Variants in FAM120C observed in about 807,000 individuals in gnomAD.
FAM120C encodes the protein constitutive coactivator of PPAR-gamma-like protein 2.
Under a neutral mutation model 71.2 loss-of-function variants are expected in FAM120C, and 14 were observed. The observed-to-expected ratio is 0.20, with a 90% CI of 0.13 to 0.31. FAM120C has a LOEUF of 0.31. Among genes scored for constraint, FAM120C ranks in the 10% least tolerant of loss-of-function variants. The pLI, the probability that FAM120C is intolerant of heterozygous loss-of-function variation, is 1.00. For synonymous variants in FAM120C, 354 were observed against 353.2 expected (o/e 1.00, Z -0.03); for missense variants, 500 against 879.0 (o/e 0.57, Z 5.45).
At chrX:54,118,334 T>C (rs906747919) in intron 9 of FAM120C, among the ~76,000 whole-genome samples, 12 of 111,035 alleles carry the variant, frequency 1.1e-4, no homozygotes. Context: ...TAATATTCCA[T>C]GGCAAGAATG....
intron 4 of FAM120C, among the ~76,000 whole-genome samples, chrX:54,139,329 TTTTA>T (rs375711849): frequency 0.012 from 1,089 of 88,964 alleles, 9 homozygotes; most frequent in African/African-American, 0.019. Flanking sequence ...TTTTTTTTGC[TTTTA>T]TTTATTTATT....
chrX:54,182,416 T>C, intron 1 of FAM120C, 84 bp downstream of exon 1: 1 of 1,049,388 alleles, frequency 9.5e-7, no homozygotes, highest in Non-Finnish European at 1.3e-6. Flanking sequence ...GGTAGGGTAG[T>C]GGGTAAGTGG....
chrX:54,134,150 G>T, intron 7 of FAM120C, 104 bp from the exon 8 acceptor site: 1 of 802,366 alleles, frequency 1.2e-6, no homozygotes, highest in Non-Finnish European at 1.8e-6. Flanking sequence ...CAAACCCTTT[G>T]GAGGGCAGGA....
chrX:54,125,488 C>G (rs1004585587), intron 9 of FAM120C, among the ~76,000 whole-genome samples: 9 of 111,394 alleles, frequency 8.1e-5, no homozygotes, highest in Non-Finnish European at 1.7e-4. Flanking sequence ...GTATTTTTAG[C>G]AGAGATGGGG....
chrX:54,133,875 G>A lies in FAM120C; in HGVS notation c.1788C>T (p.Thr596=). 8.3e-7 allele frequency: 1 copy of A among 1,211,513 alleles called. No individual in the cohort carries two copies. Among genetic ancestry groups the A allele is most frequent in the Non-Finnish European group, 1.1e-6 (1 of 895,395 alleles). The part of the protein sequence containing the change: ...SMSTRNHMDI[T]IPPLPPVAPE... ...GAGCTACTGGAGGTAAGGGTGGAAT[G>A]GTGATATCCATGTGGTTCCTTGTAG... Residue 596 remains threonine (T), a synonymous_variant, in exon 8 of 16, where the codon ACC becomes ACT. Coordinates refer to ENST00000375180, the MANE Select transcript of FAM120C (RefSeq NM_017848.6).
intron 3 of FAM120C, 69 bp from the exon 4 acceptor site, chrX:54,151,442 A>T: frequency 9.3e-7 from 1 of 1,075,171 alleles, no homozygotes; most frequent in African/African-American, 1.9e-5. Flanking sequence ...AGTGAAGTTG[A>T]GGGGAGATAT....
intron 3 of FAM120C, among the ~76,000 whole-genome samples, chrX:54,153,430 C>CG (rs2067193440): frequency 9.6e-6 from 1 of 104,311 alleles, no homozygotes; most frequent in East Asian, 3.0e-4. Flanking sequence ...TTTTTTGAGA[C>CG]GGAGTCTTGC....
At chrX:54,154,155 G>A (rs1386999617) in intron 3 of FAM120C, among the ~76,000 whole-genome samples, 1 of 108,178 alleles carries the variant, frequency 9.2e-6, no homozygotes, top group Non-Finnish European at 1.9e-5. Context: ...ATCCAGGCAA[G>A]AAATAATGGT....
At chrX:54,150,477 A>T (rs1186951997) in intron 4 of FAM120C, among the ~76,000 whole-genome samples, 1 of 111,941 alleles carries the variant, frequency 8.9e-6, no homozygotes, top group Non-Finnish European at 1.9e-5. Context: ...GTACATTTTT[A>T]AAAATTTATT....
At chrX:54,077,552 C>T (rs1274173708) in intron 15 of FAM120C, among the ~76,000 whole-genome samples, 1 of 110,603 alleles carries the variant, frequency 9.0e-6, no homozygotes, top group African/African-American at 3.3e-5. Flanking sequence ...TGTGGTGGCT[C>T]ACACATGTAG....
chrX:54,073,255 C>T lies in FAM120C; in HGVS notation c.3069G>A (p.Glu1023=), dbSNP rs377185432. Residue 1023 remains glutamate (E), a synonymous_variant, in exon 16 of 16, where the codon GAG becomes GAA. Transcript: ENST00000375180. ...GGGAGCGAGACCGACCTTGATGAAGCTCCAGGGATTTAGAAACTCCATCTG... is the reference window on the plus strand; with the variant it reads ...GGGAGCGAGACCGACCTTGATGAAGTTCCAGGGATTTAGAAACTCCATCTG... ...GSSDGVSKSL[E]LHQGRSRSQV... is the part of the protein sequence containing the mutation. 1.9e-5 allele frequency: 23 copies of T among 1,204,185 alleles called. No individual in the cohort carries two copies. The highest frequency in any genetic ancestry group is 2.6e-5 in the Non-Finnish European group (23 of 891,549).
At chrX:54,095,862 G>A (rs1229578170) in intron 10 of FAM120C, among the ~76,000 whole-genome samples, 1 of 106,280 alleles carries the variant, frequency 9.4e-6, no homozygotes, top group Admixed American at 1.0e-4. Flanking sequence ...CACCATGTTG[G>A]TCAGACTGGT....
rs1207217002 is a variant in FAM120C, at chrX:54,130,034, G to GGGGAGA, written c.2062+2652_2062+2657dup. ...GGAAAGAGAGGGAGAGGGAGACCCTGGGGAGAGGGAGAGGGAGAGGGAGAG... is the reference window on the plus strand; with the variant it reads ...GGAAAGAGAGGGAGAGGGAGACCCTGGGGAGAGGGAGAGGGAGAGGGAGAGGGAGAG... On this transcript the variant is annotated intron_variant, in intron 9 of 15. Coordinates refer to ENST00000375180, the MANE Select transcript of FAM120C (RefSeq NM_017848.6). 3.9e-4 allele frequency among the ~76,000 whole-genome samples: 38 copies of GGGGAGA among 97,975 alleles called. 1 individual carries two copies. The highest frequency in any genetic ancestry group is 1.3e-3 in the African/African-American group (33 of 26,140). The allele number at this position is 97,975 out of a possible 115,157, so 85.1% of individuals were successfully genotyped here. A position where few individuals can be genotyped will look rare whatever the true frequency, so the allele number is the denominator to read the frequency against.
intron 4 of FAM120C, among the ~76,000 whole-genome samples, chrX:54,137,690 T>C (rs782750611): frequency 1.9e-4 from 21 of 111,424 alleles, no homozygotes; most frequent in African/African-American, 4.9e-4. Flanking sequence ...AAATTATTGG[T>C]TCAAAAGGTA....
chrX:54,140,622 A>T (rs1240489032), intron 4 of FAM120C, among the ~76,000 whole-genome samples: 2 of 107,476 alleles, frequency 1.9e-5, no homozygotes, highest in Admixed American at 2.0e-4. Flanking sequence ...CTCCGTCTCA[A>T]AGAAAAAAAA....
chrX:54,153,573 AT>A (rs781816271), intron 3 of FAM120C, among the ~76,000 whole-genome samples: 130 of 92,231 alleles, frequency 1.4e-3, no homozygotes, highest in Admixed American at 2.2e-3. Context: ...ACGCCCAGCT[AT>A]TTTTTTTTTT....
chrX:54,115,401 T>C (rs2066962746), intron 10 of FAM120C, among the ~76,000 whole-genome samples: 1 of 112,099 alleles, frequency 8.9e-6, no homozygotes, highest in African/African-American at 3.2e-5. Flanking sequence ...TTAAAGATAC[T>C]ACTTGAAAAC....
chrX:54,161,764 C>T (rs782363922), intron 1 of FAM120C, among the ~76,000 whole-genome samples: 4 of 111,877 alleles, frequency 3.6e-5, no homozygotes, highest in East Asian at 2.8e-4. Context: ...CCTGAGTAGC[C>T]GGGGCTACGG....
At chrX:54,181,015 T>C (rs1603366513) in intron 1 of FAM120C, among the ~76,000 whole-genome samples, 2 of 101,157 alleles carry the variant, frequency 2.0e-5, no homozygotes, top group Non-Finnish European at 3.9e-5. Context: ...AGCAAGCAAA[T>C]GTGTGCCTTT....
Sources: gnomAD v4.1 joint callset for allele counts (sites outside exome capture counted in the v4.1 genomes callset) on GRCh38, gnomAD v4.1.1 for gene constraint, MANE v1.5 for transcripts, NCBI Gene and HGNC (gene_info 2026-07-23, HGNC 2026-07-21) for gene names.